The following TRIQK variants were observed in gnomAD, a reference collection of about 807,000 sequenced individuals.
TRIQK encodes triple QxxK/R motif containing, also known as triple QxxK/R motif-containing protein.
In TRIQK, 10 loss-of-function variants were observed where a neutral mutation model predicts 10.8. That is an observed-to-expected ratio of 0.92 (90% CI 0.57 to 1.57). The LOEUF (loss-of-function observed/expected upper bound fraction) is 1.57. Among genes scored for constraint, TRIQK ranks in the 40% most tolerant of loss-of-function variants. The pLI is 0.00. For synonymous variants in TRIQK, 33 were observed against 33.7 expected, an observed-to-expected ratio of 0.98 and a Z score of 0.07; for missense variants, 107 against 97.7, an observed-to-expected ratio of 1.09 and a Z score of -0.40.
intron 1 of TRIQK, among the ~76,000 whole-genome samples, chr8:93,010,945 C>A (rs1813325623): frequency 6.6e-6 from 1 of 152,110 alleles, no homozygotes; most frequent in African/African-American, 2.4e-5. Flanking sequence ...AATTAATTTA[C>A]TGTTTCTCTT....
chr8:92,917,029 T>C lies in TRIQK; in HGVS notation c.-21-19A>G, dbSNP rs1809896202. 2.1e-6 allele frequency: 3 copies of C among 1,444,236 alleles called. No homozygotes were observed. Among genetic ancestry groups the C allele is most frequent in the African/African-American group, 1.5e-5 (1 of 68,548 alleles). The allele number at this position is 1,444,236 out of a possible 1,614,324, so 89.5% of individuals were successfully genotyped here. On this transcript the variant is annotated intron_variant, in intron 2 of 4. Transcript: ENST00000521988. The stretch of plus-strand genomic sequence containing the variant: ...ATGCCTGCTGAAAAGAAAACAATTA[T>C]AATGAAAATTTTTTTAAAAAGGAGT...
intron 1 of TRIQK, among the ~76,000 whole-genome samples, chr8:92,981,168 T>A (rs1812982225): frequency 6.6e-6 from 1 of 151,910 alleles, no homozygotes. Context: ...AAAGCAGAGC[T>A]ATTTTTTGTG....
At chr8:92,979,368 T>G (rs1466918456) in intron 1 of TRIQK, among the ~76,000 whole-genome samples, 3 of 152,114 alleles carry the variant, frequency 2.0e-5, no homozygotes, top group Admixed American at 1.3e-4. Context: ...TTTTTTCATA[T>G]ATATCCAATG....
intron 1 of TRIQK, among the ~76,000 whole-genome samples, chr8:93,002,351 C>T (rs944738468): frequency 1.3e-5 from 2 of 151,980 alleles, no homozygotes; most frequent in Non-Finnish European, 2.9e-5. Flanking sequence ...AGTGATAAAA[C>T]TGACAAGCTT....
intron 1 of TRIQK, among the ~76,000 whole-genome samples, chr8:93,002,524 T>C (rs1813223851): frequency 6.6e-6 from 1 of 151,984 alleles, no homozygotes; most frequent in Non-Finnish European, 1.5e-5. Flanking sequence ...AACAAAAGCA[T>C]TGGACACATA....
intron 2 of TRIQK, among the ~76,000 whole-genome samples, chr8:92,928,985 G>C (rs1810579220): frequency 6.6e-6 from 1 of 152,208 alleles, no homozygotes; most frequent in Non-Finnish European, 1.5e-5. Flanking sequence ...AATGCAACAA[G>C]TAGAAAGGAA....
intron 1 of TRIQK, among the ~76,000 whole-genome samples, chr8:92,996,648 G>A (rs1437480587): frequency 6.6e-6 from 1 of 151,746 alleles, no homozygotes. Context: ...TATTAATATT[G>A]AATGGTTATG....
At chr8:92,932,057 G>A (rs930558009) in intron 2 of TRIQK, among the ~76,000 whole-genome samples, 1 of 152,064 alleles carries the variant, frequency 6.6e-6, no homozygotes, top group African/African-American at 2.4e-5. Flanking sequence ...ATACTCTGTC[G>A]TCAAACTTCA....
intron 2 of TRIQK, among the ~76,000 whole-genome samples, chr8:92,919,884 A>G (rs564676079): frequency 1.3e-5 from 2 of 151,788 alleles, no homozygotes; most frequent in African/African-American, 4.8e-5. Flanking sequence ...ATGCCCAGGA[A>G]TGTATTCTTT....
intron 2 of TRIQK, among the ~76,000 whole-genome samples, chr8:92,929,954 TTAAA>T (rs1479840726): frequency 6.6e-6 from 1 of 152,048 alleles, no homozygotes; most frequent in African/African-American, 2.4e-5. Context: ...ACACTATCCT[TTAAA>T]TAAAGATTTT....
chr8:92,921,432 T>C (rs1021263050), intron 2 of TRIQK: 14 of 151,842 alleles, frequency 9.2e-5, no homozygotes, highest in African/African-American at 3.1e-4. Context: ...TTGATGTTAG[T>C]TGTGGACACA....
chr8:92,971,207 A>G (rs1034911815), intron 1 of TRIQK, among the ~76,000 whole-genome samples: 7 of 152,106 alleles, frequency 4.6e-5, no homozygotes, highest in African/African-American at 1.4e-4. Flanking sequence ...GCCTTGTAGT[A>G]TAGTTTAAAG....
upstream of TRIQK, among the ~76,000 whole-genome samples, chr8:92,968,312 T>A (rs1000792934): frequency 6.6e-6 from 1 of 152,198 alleles, no homozygotes; most frequent in Non-Finnish European, 1.5e-5. Context: ...TTTGGGCATA[T>A]ACCCAGTAAT....
chr8:93,003,309 G>GGAGAGAGAGAGAGAGAGAGAGA (rs71565204), intron 1 of TRIQK, among the ~76,000 whole-genome samples: 24 of 135,686 alleles, frequency 1.8e-4, no homozygotes, highest in African/African-American at 6.3e-4. Flanking sequence ...CCCGCTTACA[G>GGAGAGAGAGAGAGAGAGAGAGA]GAGAGAGAGA....
chr8:93,000,004 A>G (rs1386216452), intron 1 of TRIQK, among the ~76,000 whole-genome samples: 1 of 152,134 alleles, frequency 6.6e-6, no homozygotes, highest in Non-Finnish European at 1.5e-5. Context: ...AGCTCTACAT[A>G]TACTTTCAAC....
At chr8:92,932,196 C>T (rs1171315184) in intron 2 of TRIQK, among the ~76,000 whole-genome samples, 2 of 152,058 alleles carry the variant, frequency 1.3e-5, no homozygotes, top group Non-Finnish European at 2.9e-5. Flanking sequence ...CCGTGTTCCC[C>T]ATAATTCATT....
chr8:92,929,240 TTGGCAAA>T (rs1332166945), intron 2 of TRIQK, among the ~76,000 whole-genome samples: 1 of 152,196 alleles, frequency 6.6e-6, no homozygotes, highest in Non-Finnish European at 1.5e-5. Flanking sequence ...TGGACCATAC[TTGGCAAA>T]TATTGCGTTA....
intron 2 of TRIQK, among the ~76,000 whole-genome samples, chr8:92,935,106 G>C (rs889079977): frequency 2.6e-5 from 4 of 151,632 alleles, no homozygotes; most frequent in African/African-American, 9.7e-5. Context: ...TATCAAATCT[G>C]TAATGCCTTT....
At chr8:92,947,566 A>G (rs1430986792) in intron 2 of TRIQK, among the ~76,000 whole-genome samples, 1 of 146,418 alleles carries the variant, frequency 6.8e-6, no homozygotes, top group East Asian at 2.0e-4. Context: ...CCCGGGCAAT[A>G]AGAGTGAAAC....
Sources: allele counts gnomAD v4.1 joint callset (sites outside exome capture counted in the v4.1 genomes callset), GRCh38; gene constraint gnomAD v4.1.1; transcripts MANE v1.5; gene names NCBI Gene and HGNC (gene_info 2026-07-23, HGNC 2026-07-21).